PRKAR1B: variants seen among roughly 807,000 people sequenced by gnomAD.
PRKAR1B encodes the protein protein kinase cAMP-dependent type I regulatory subunit beta.
Under a neutral mutation model 46.5 loss-of-function variants are expected in PRKAR1B, and 22 were observed. The observed-to-expected ratio is 0.47, with a 90% CI of 0.34 to 0.68. PRKAR1B has a LOEUF of 0.68. PRKAR1B is among the 30% of genes least tolerant of loss of function. The pLI is 0.01. For missense variants in PRKAR1B, 445 were observed against 535.6 expected (o/e 0.83, Z 1.67); for synonymous variants, 259 against 217.7 (o/e 1.19, Z -1.67).
intron 2 of PRKAR1B, among the ~76,000 whole-genome samples, chr7:708,790 A>ATTT (rs367689443): frequency 4.6e-5 from 6 of 131,774 alleles, no homozygotes; most frequent in Admixed American, 7.9e-5. Context: ...CCCGGCCCCA[A>ATTT]TTTTTTTTTT....
chr7:695,238 G>A (rs577681666), intron 2 of PRKAR1B, among the ~76,000 whole-genome samples: 5 of 152,202 alleles, frequency 3.3e-5, no homozygotes, highest in African/African-American at 4.8e-5. Flanking sequence ...AGAGGTGGCC[G>A]GCGAGAAAGG....
intron 2 of PRKAR1B, among the ~76,000 whole-genome samples, chr7:695,475 T>G (rs1392539820): frequency 1.3e-5 from 2 of 152,056 alleles, no homozygotes; most frequent in Non-Finnish European, 1.5e-5. Flanking sequence ...CCTAGACTTG[T>G]GAAGCGCCAT....
At position 550,619 on chromosome 7, in the gene PRKAR1B, G is replaced by A; in HGVS notation, c.974-17C>T. 1.3e-6 allele frequency: 2 copies of A among 1,540,416 alleles called. No homozygotes were observed. The highest frequency in any genetic ancestry group is 1.4e-5 in the African/African-American group (1 of 72,634). Reference sequence around the variant, plus strand: ...CAATCTCCCCTGGGGGTTGAAGAGAGAGGTCAGGGCTGGGCCTGGGGGTCC... The same window carrying A: ...CAATCTCCCCTGGGGGTTGAAGAGAAAGGTCAGGGCTGGGCCTGGGGGTCC... On this transcript the variant is annotated splice_polypyrimidine_tract_variant and intron_variant, in intron 10 of 10. Transcript: ENST00000537384.
intron 4 of PRKAR1B, 126 bp from the exon 5 acceptor site, chr7:607,578 G>A (rs1393954067): frequency 4.7e-6 from 4 of 857,216 alleles, no homozygotes; most frequent in Non-Finnish European, 7.5e-6. Flanking sequence ...GAAAATCCAT[G>A]AGAGTTCAAA....
intron 4 of PRKAR1B, among the ~76,000 whole-genome samples, chr7:674,708 C>CTACT (rs1786481367): frequency 6.6e-6 from 1 of 152,224 alleles, no homozygotes; most frequent in South Asian, 2.1e-4. Flanking sequence ...TCTCTCCATG[C>CTACT]CTAGCTACTC....
intron 1 of PRKAR1B, among the ~76,000 whole-genome samples, chr7:725,447 G>A (rs904720044): frequency 5.3e-5 from 8 of 152,162 alleles, no homozygotes; most frequent in African/African-American, 1.4e-4. Flanking sequence ...CAGCAACTCC[G>A]ACTCCAAGCT....
chr7:589,055 A>ATGGTGGTGATAGTGATAG (rs1780834730), intron 7 of PRKAR1B, among the ~76,000 whole-genome samples: 1 of 150,218 alleles, frequency 6.7e-6, no homozygotes, highest in African/African-American at 2.5e-5. Context: ...GATGGTGGCA[A>ATGGTGGTGATAGTGATAG]TGATGATGGT....
intron 2 of PRKAR1B, among the ~76,000 whole-genome samples, chr7:703,997 T>C (rs34553380): frequency 0.2 from 30,128 of 152,002 alleles, 3,698 homozygotes; most frequent in African/African-American, 0.34. Context: ...CAAGGTAAAA[T>C]GGAAAATATT....
intron 6 of PRKAR1B, among the ~76,000 whole-genome samples, chr7:605,350 G>C (rs532773006): frequency 5.6e-4 from 85 of 152,260 alleles, no homozygotes; most frequent in African/African-American, 2.0e-3. Flanking sequence ...GCTGCCGTGC[G>C]GGGGGCGGCC....
chr7:705,044 C>G (rs1290772646), intron 2 of PRKAR1B, among the ~76,000 whole-genome samples: 1 of 152,078 alleles, frequency 6.6e-6, no homozygotes, highest in Non-Finnish European at 1.5e-5. Flanking sequence ...GTAATCCCAG[C>G]ACTTTGGGAG....
chr7:683,244 C>T (rs1303827396), intron 2 of PRKAR1B, among the ~76,000 whole-genome samples: 1 of 152,224 alleles, frequency 6.6e-6, no homozygotes, highest in Non-Finnish European at 1.5e-5. Context: ...GCAGACACCA[C>T]GTGAATGCCA....
At chr7:634,103 A>ACCTCTG (rs1346617663) in intron 4 of PRKAR1B, among the ~76,000 whole-genome samples, 2 of 151,934 alleles carry the variant, frequency 1.3e-5, no homozygotes, top group African/African-American at 4.8e-5. Flanking sequence ...GCTCACTGCA[A>ACCTCTG]CCTCTGCCTC....
chr7:640,115 A>G (rs531711477), intron 4 of PRKAR1B, among the ~76,000 whole-genome samples: 47 of 151,780 alleles, frequency 3.1e-4, no homozygotes, highest in African/African-American at 1.1e-3. Context: ...GTGAGCCGAG[A>G]TCGTACTATT....
intron 9 of PRKAR1B, among the ~76,000 whole-genome samples, chr7:564,559 CCCT>C (rs1350030984): frequency 6.6e-6 from 1 of 152,220 alleles, no homozygotes. Context: ...CGCATTCAGG[CCCT>C]CGACTCCAGC....
At chr7:726,620 G>C (rs922284472) in intron 1 of PRKAR1B, 2 of 943,792 alleles carry the variant, frequency 2.1e-6, no homozygotes, top group African/African-American at 3.4e-5. Flanking sequence ...GGAGGAAGTA[G>C]CCCGGCGCCC....
chr7:563,686 T>C (rs1778951942), intron 9 of PRKAR1B, among the ~76,000 whole-genome samples: 1 of 152,022 alleles, frequency 6.6e-6, no homozygotes, highest in Non-Finnish European at 1.5e-5. Flanking sequence ...TGTGCATACA[T>C]GCATGTCTGT....
chr7:690,365 A>G (rs1583423901), intron 2 of PRKAR1B, among the ~76,000 whole-genome samples: 1 of 151,640 alleles, frequency 6.6e-6, no homozygotes, highest in East Asian at 1.9e-4. Context: ...TATGCTCACT[A>G]CCCAGCTGCT....
intron 4 of PRKAR1B, among the ~76,000 whole-genome samples, chr7:673,904 C>G (rs766646006): frequency 1.3e-5 from 2 of 152,220 alleles, no homozygotes; most frequent in Non-Finnish European, 2.9e-5. Context: ...CTCCTCGCCT[C>G]TTCAGGTGGC....
chr7:599,328 G>A (rs1452013021), intron 6 of PRKAR1B, among the ~76,000 whole-genome samples: 1 of 150,760 alleles, frequency 6.6e-6, no homozygotes, highest in Non-Finnish European at 1.5e-5. Flanking sequence ...ATGGAGTTTC[G>A]CTCTTGTTCC....
Sources: gnomAD v4.1 joint callset for allele counts (sites outside exome capture counted in the v4.1 genomes callset) on GRCh38, gnomAD v4.1.1 for gene constraint, MANE v1.5 for transcripts, NCBI Gene and HGNC (gene_info 2026-07-23, HGNC 2026-07-21) for gene names.